IMPA2: variants seen among roughly 807,000 people sequenced by gnomAD.
The protein encoded by IMPA2 is inositol monophosphatase 2.
A neutral mutation model predicts 35.1 loss-of-function variants in IMPA2; 32 were observed. The ratio of observed to expected loss-of-function variants is 0.91; its 90% CI spans 0.69 to 1.23. The LOEUF is 1.23. Among genes scored for constraint, IMPA2 ranks in the 50% most tolerant of loss-of-function variants. IMPA2 has a pLI of 0.00. For missense variants in IMPA2, 334 were observed against 387.6 expected (o/e 0.86, Z 1.16); for synonymous variants, 135 against 160.6 (o/e 0.84, Z 1.20).
chr18:12,000,817 T>G (rs1907096159), intron 2 of IMPA2, among the ~76,000 whole-genome samples: 2 of 151,158 alleles, frequency 1.3e-5, no homozygotes, highest in Admixed American at 6.6e-5. Flanking sequence ...GAGTTTCACC[T>G]TGTTAGTCAG....
intron 1 of IMPA2, among the ~76,000 whole-genome samples, chr18:11,982,530 C>G (rs939260853): frequency 2.0e-5 from 3 of 152,196 alleles, no homozygotes; most frequent in African/African-American, 7.2e-5. Flanking sequence ...CGCAGTGGCT[C>G]ACGCCTGTAA....
chr18:11,981,757 GCAGGA>G lies in IMPA2; in HGVS notation c.93_96+1del. ...GGCGGCCGTGCAGCTGGCGCTGCGGGCAGGACAGGTGAGCGCCACGGCTGGGCTCG... is the reference window on the plus strand; with the variant it reads ...GGCGGCCGTGCAGCTGGCGCTGCGGGCAGGTGAGCGCCACGGCTGGGCTCG... On this transcript the variant is annotated frameshift_variant, in exon 1 of 8. Coordinates refer to ENST00000269159, the MANE Select transcript of IMPA2 (RefSeq NM_014214.3). LOFTEE classifies it high-confidence loss of function. The G allele has an allele frequency of 8.1e-7, 1 of 1,228,590 alleles. No individual in the cohort carries two copies. The highest frequency in any genetic ancestry group is 1.0e-6 in the Non-Finnish European group (1 of 985,714). The allele number at this position is 1,228,590 out of a possible 1,614,324, so 76.1% of individuals were successfully genotyped here.
intron 1 of IMPA2, 24 bp from the exon 2 acceptor site, chr18:11,999,030 C>A (rs368231623): frequency 1.3e-6 from 2 of 1,591,444 alleles, no homozygotes; most frequent in African/African-American, 2.7e-5. Context: ...CATGTTTAAC[C>A]CAAATCCCGT....
At chr18:12,028,265 G>A (rs1907939052) in intron 6 of IMPA2, 114 bp downstream of exon 6, 2 of 700,608 alleles carry the variant, frequency 2.9e-6, no homozygotes, top group Non-Finnish European at 5.0e-6. Context: ...AAGAGTGGGA[G>A]GGGCACATGA....
intron 7 of IMPA2, among the ~76,000 whole-genome samples, chr18:12,029,208 G>A (rs147926706): frequency 6.9e-6 from 1 of 144,646 alleles, no homozygotes; most frequent in Non-Finnish European, 1.5e-5. Flanking sequence ...TCCTACTCAC[G>A]GGTTCAAGCA....
At chr18:12,015,232 C>T (rs1427592260) in intron 5 of IMPA2, among the ~76,000 whole-genome samples, 4 of 152,246 alleles carry the variant, frequency 2.6e-5, no homozygotes, top group Non-Finnish European at 4.4e-5. Flanking sequence ...CATGCAGGGC[C>T]CCCCATCTCA....
chr18:11,989,321 G>A (rs1219423782), intron 1 of IMPA2, among the ~76,000 whole-genome samples: 1 of 152,222 alleles, frequency 6.6e-6, no homozygotes, highest in South Asian at 2.1e-4. Flanking sequence ...GGAGGCAGGA[G>A]GGGGAGAGGA....
intron 2 of IMPA2, among the ~76,000 whole-genome samples, chr18:12,003,796 C>T (rs2143795823): frequency 1.3e-5 from 2 of 152,160 alleles, no homozygotes; most frequent in Admixed American, 1.3e-4. Flanking sequence ...GCGCCTAAAC[C>T]TGTTTTCAGA....
chr18:11,989,774 T>C (rs1045025103), intron 1 of IMPA2, among the ~76,000 whole-genome samples: 1 of 152,130 alleles, frequency 6.6e-6, no homozygotes, highest in Non-Finnish European at 1.5e-5. Context: ...GAGTGAGTCC[T>C]GGACTCTGTG....
At chr18:12,030,193 C>G (rs1908007450) in intron 7 of IMPA2, 150 bp from the exon 8 acceptor site, 4 of 646,920 alleles carry the variant, frequency 6.2e-6, no homozygotes, top group Non-Finnish European at 1.1e-5. Context: ...GAATTCACTC[C>G]TAGACCACCT....
intron 1 of IMPA2, among the ~76,000 whole-genome samples, chr18:11,993,522 G>A (rs770254379): frequency 4.6e-5 from 7 of 152,308 alleles, no homozygotes; most frequent in African/African-American, 4.8e-5. Flanking sequence ...GCACCCTGCC[G>A]GGGTGAGGGT....
intron 4 of IMPA2, 149 bp downstream of exon 4, chr18:12,012,364 C>A: frequency 1.4e-6 from 1 of 709,686 alleles, no homozygotes; most frequent in Non-Finnish European, 2.4e-6. Flanking sequence ...GTTTCAAATC[C>A]GAGAAAATAA....
At chr18:12,020,859 C>CT (rs1246806456) in intron 5 of IMPA2, among the ~76,000 whole-genome samples, 14 of 151,658 alleles carry the variant, frequency 9.2e-5, no homozygotes, top group East Asian at 1.9e-4. Context: ...GGTTAGATTT[C>CT]TTTTTTTTGG....
intron 5 of IMPA2, among the ~76,000 whole-genome samples, chr18:12,023,345 T>A (rs907833308): frequency 3.3e-5 from 5 of 152,174 alleles, no homozygotes; most frequent in Admixed American, 3.3e-4. Flanking sequence ...TCTCATCTGT[T>A]GCACGGGGCA....
intron 2 of IMPA2, among the ~76,000 whole-genome samples, chr18:12,000,407 C>CT (rs5823190): frequency 4.4e-5 from 6 of 136,000 alleles, no homozygotes; most frequent in African/African-American, 8.1e-5. Flanking sequence ...CACTTACCTT[C>CT]TTTTTTTTTC....
intron 2 of IMPA2, among the ~76,000 whole-genome samples, chr18:12,009,021 C>T (rs1195199360): frequency 6.6e-6 from 1 of 152,152 alleles, no homozygotes; most frequent in Non-Finnish European, 1.5e-5. Flanking sequence ...CAGGGAGCGT[C>T]CCAGCCTCTC....
chr18:11,985,147 C>CAAAA (rs60194371), intron 1 of IMPA2, among the ~76,000 whole-genome samples: 1 of 80,510 alleles, frequency 1.2e-5, no homozygotes, highest in African/African-American at 4.0e-5. Flanking sequence ...AACTCTGTCT[C>CAAAA]AAAAAAAAAA....
At chr18:12,000,977 A>T (rs1462515917) in intron 2 of IMPA2, among the ~76,000 whole-genome samples, 8 of 149,534 alleles carry the variant, frequency 5.3e-5, no homozygotes. Context: ...CACACCTGTA[A>T]TCCCAGCACT....
intron 1 of IMPA2, among the ~76,000 whole-genome samples, chr18:11,985,501 C>T (rs1384470561): frequency 6.6e-6 from 1 of 152,182 alleles, no homozygotes; most frequent in South Asian, 2.1e-4. Context: ...TTACTGGTAA[C>T]AATTGGCTTA....
Sources: allele counts gnomAD v4.1 joint callset (sites outside exome capture counted in the v4.1 genomes callset), GRCh38; gene constraint gnomAD v4.1.1; transcripts MANE v1.5; gene names NCBI Gene and HGNC (gene_info 2026-07-23, HGNC 2026-07-21).